CTNNA2: variants seen among roughly 807,000 people sequenced by gnomAD.
CTNNA2 encodes catenin alpha 2.
Under a neutral mutation model 101.0 loss-of-function variants are expected in CTNNA2, and 42 were observed. The ratio of observed to expected loss-of-function variants is 0.42; its 90% CI spans 0.32 to 0.54. The LOEUF (loss-of-function observed/expected upper bound fraction) is 0.54, where lower values mean the gene tolerates loss of function less well. CTNNA2 is among the 20% of genes least tolerant of loss of function. The pLI is 0.14. For missense variants in CTNNA2, 871 were observed against 1,223.1 expected, an observed-to-expected ratio of 0.71 and a Z score of 4.29; for synonymous variants, 450 against 456.4, an observed-to-expected ratio of 0.99 and a Z score of 0.18.
chr2:80,577,510 G>T (rs1037442395), intron 13 of CTNNA2, among the ~76,000 whole-genome samples: 6 of 152,100 alleles, frequency 3.9e-5, no homozygotes, highest in African/African-American at 1.4e-4. Flanking sequence ...GGAGGGTTCT[G>T]AGCAGGGGAA....
intron 12 of CTNNA2, among the ~76,000 whole-genome samples, chr2:80,565,780 C>G (rs1038790585): frequency 3.3e-5 from 5 of 152,042 alleles, no homozygotes; most frequent in African/African-American, 1.2e-4. Flanking sequence ...ATTCCCGATT[C>G]CCGGTGCCTA....
chr2:79,243,594 G>A (rs1320974325), intron 2 of CTNNA2, among the ~76,000 whole-genome samples: 3 of 152,122 alleles, frequency 2.0e-5, no homozygotes, highest in African/African-American at 7.2e-5. Context: ...ACACAAATAC[G>A]TTTCCTGAAA....
At chr2:79,783,629 G>A (rs1674618690) in intron 3 of CTNNA2, among the ~76,000 whole-genome samples, 1 of 152,068 alleles carries the variant, frequency 6.6e-6, no homozygotes, top group Admixed American at 6.6e-5. Flanking sequence ...ACATAAATTT[G>A]ATCATTCTTT....
chr2:79,884,568 C>T (rs1216869921), intron 6 of CTNNA2, among the ~76,000 whole-genome samples: 3 of 152,076 alleles, frequency 2.0e-5, no homozygotes, highest in Non-Finnish European at 4.4e-5. Context: ...ACTAATATCT[C>T]TTGTAAGATT....
Position 79,642,778 on chromosome 2 carries a change from G to GT in CTNNA2, c.-5-8762dup, listed in dbSNP as rs35537092. Among the ~76,000 whole-genome samples, 947 of 144,846 alleles carry GT rather than the reference G, an allele frequency of 6.5e-3. 2 individuals carry two copies. The highest frequency in any genetic ancestry group is 8.8e-3 in the Non-Finnish European group (577 of 65,718). On this transcript the variant is annotated intron_variant, in intron 1 of 18. Coordinates refer to ENST00000402739, the MANE Select transcript of CTNNA2 (RefSeq NM_001282597.3). Reference sequence around the variant, plus strand: ...GATAATAATACAAAAGATTTCTCCTGTTTTTTTTTTTTCCCTCAACTTCTG... The same window carrying GT: ...GATAATAATACAAAAGATTTCTCCTGTTTTTTTTTTTTTCCCTCAACTTCTG...
intron 4 of CTNNA2, among the ~76,000 whole-genome samples, chr2:79,383,742 C>A (rs1463565710): frequency 6.6e-6 from 1 of 152,178 alleles, no homozygotes; most frequent in African/African-American, 2.4e-5. Context: ...ACCTTGGGAA[C>A]TATTTCCTGA....
intron 4 of CTNNA2, among the ~76,000 whole-genome samples, chr2:79,862,335 G>A (rs1337257561): frequency 2.0e-5 from 3 of 151,844 alleles, no homozygotes; most frequent in African/African-American, 7.3e-5. Context: ...GGGGTGGGGG[G>A]CATTGATGAG....
intron 7 of CTNNA2, among the ~76,000 whole-genome samples, chr2:80,129,943 C>T (rs1023076702): frequency 2.6e-5 from 4 of 152,098 alleles, no homozygotes; most frequent in Non-Finnish European, 5.9e-5. Flanking sequence ...AGAGTCAGAA[C>T]TGAAATCTAA....
At chr2:80,184,178 T>A (rs886108240) in intron 7 of CTNNA2, among the ~76,000 whole-genome samples, 1 of 152,282 alleles carries the variant, frequency 6.6e-6, no homozygotes, top group Non-Finnish European at 1.5e-5. Context: ...AAGTGTGAGT[T>A]CTTCAGTGTG....
chr2:80,496,850 C>G (rs1303139812), intron 9 of CTNNA2, among the ~76,000 whole-genome samples: 1 of 152,168 alleles, frequency 6.6e-6, no homozygotes, highest in Non-Finnish European at 1.5e-5. Context: ...CATTTTAAGA[C>G]TTGAAAAATT....
At chr2:80,074,534 G>A (rs971572903) in intron 7 of CTNNA2, among the ~76,000 whole-genome samples, 9 of 152,136 alleles carry the variant, frequency 5.9e-5, no homozygotes, top group East Asian at 1.9e-4. Flanking sequence ...CGTGTGTGGG[G>A]TGAAATAGAG....
At chr2:79,661,442 A>T (rs1682029979) in intron 2 of CTNNA2, among the ~76,000 whole-genome samples, 1 of 152,228 alleles carries the variant, frequency 6.6e-6, no homozygotes, top group African/African-American at 2.4e-5. Flanking sequence ...AGTCTATGAA[A>T]TGACTGTGTT....
chr2:80,457,659 A>G (rs1332423859), intron 9 of CTNNA2, among the ~76,000 whole-genome samples: 1 of 152,112 alleles, frequency 6.6e-6, no homozygotes, highest in East Asian at 1.9e-4. Context: ...CTCAGCACAT[A>G]GTAGATTTAG....
At chr2:79,576,450 A>C (rs1023693552) in intron 1 of CTNNA2, among the ~76,000 whole-genome samples, 6 of 152,194 alleles carry the variant, frequency 3.9e-5, no homozygotes, top group Admixed American at 3.9e-4. Flanking sequence ...GGTTTTTTAA[A>C]GTACCCATGT....
chr2:79,858,808 A>G (rs939795637), intron 4 of CTNNA2, among the ~76,000 whole-genome samples: 1 of 152,050 alleles, frequency 6.6e-6, no homozygotes, highest in African/African-American at 2.4e-5. Flanking sequence ...ACACCATTCT[A>G]TGTGCCTTGC....
intron 9 of CTNNA2, among the ~76,000 whole-genome samples, chr2:80,425,451 C>G (rs1012504161): frequency 6.6e-6 from 1 of 152,132 alleles, no homozygotes; most frequent in Non-Finnish European, 1.5e-5. Flanking sequence ...AAATAACAAG[C>G]TTGGAGGTCT....
intron 1 of CTNNA2, among the ~76,000 whole-genome samples, chr2:79,573,083 A>G (rs541002833): frequency 6.6e-6 from 1 of 152,282 alleles, no homozygotes; most frequent in East Asian, 1.9e-4. Flanking sequence ...CATACCGCTT[A>G]TGAACTCTTC....
intron 1 of CTNNA2, among the ~76,000 whole-genome samples, chr2:79,536,574 A>AGTATGTGTGTGTGTGTGTATGT (rs34403615): frequency 2.0e-5 from 3 of 146,714 alleles, no homozygotes; most frequent in Non-Finnish European, 3.0e-5. Context: ...TCTCTAAAGA[A>AGTATGTGTGTGTGTGTGTATGT]GTGTGTGTGT....
intron 4 of CTNNA2, among the ~76,000 whole-genome samples, chr2:79,417,574 T>C (rs917693513): frequency 6.6e-6 from 1 of 152,104 alleles, no homozygotes; most frequent in African/African-American, 2.4e-5. Context: ...TCTCTACTCT[T>C]TCCTCTCCCT....
Sources: gnomAD v4.1 joint callset for allele counts (sites outside exome capture counted in the v4.1 genomes callset) on GRCh38, gnomAD v4.1.1 for gene constraint, MANE v1.5 for transcripts, NCBI Gene and HGNC (gene_info 2026-07-23, HGNC 2026-07-21) for gene names.